The following SEMA4A variants were observed in gnomAD, a reference collection of about 807,000 sequenced individuals.
SEMA4A encodes semaphorin 4A, also known as semaphorin-4A.
In SEMA4A, 52 loss-of-function variants were observed where a neutral mutation model predicts 72.5. The ratio of observed to expected loss-of-function variants is 0.72; its 90% confidence interval spans 0.57 to 0.90. SEMA4A has a LOEUF of 0.90. Ranked by LOEUF, SEMA4A falls within the 40% of genes least tolerant of loss-of-function variation. The pLI is 0.00. For missense variants in SEMA4A, 926 were observed against 959.7 expected (o/e 0.96, Z 0.46); for synonymous variants, 369 against 393.1 (o/e 0.94, Z 0.73).
upstream of SEMA4A, among the ~76,000 whole-genome samples, chr1:156,150,711 G>A (rs148367013): frequency 3.9e-3 from 594 of 152,212 alleles, 7 homozygotes; most frequent in African/African-American, 0.013. Context: ...GAGTCGGGGC[G>A]GGAAGCAACC....
Position 156,154,605 on chromosome 1 carries a change from C to A in SEMA4A, c.27C>A (p.Asp9Glu), listed in dbSNP as rs557211786. ...TGGCCCTCCCAGCCCTGGGCCTGGACCCCTGGAGCCTCCTGGGCCTTTTCC... is the reference window on the plus strand; with the variant it reads ...TGGCCCTCCCAGCCCTGGGCCTGGAACCCTGGAGCCTCCTGGGCCTTTTCC... MALPALGL[D>E]PWSLLGLFLF... Residue 9 changes from aspartate to glutamate, a missense_variant, in exon 2 of 15, where the codon GAC (aspartate) becomes GAA (glutamate). Asp to Glu is a conservative substitution (Grantham distance 45, BLOSUM62 2). Coordinates refer to ENST00000368285, the MANE Select transcript of SEMA4A (RefSeq NM_022367.4). 2 of 1,610,884 alleles carry A rather than the reference C, an allele frequency of 1.2e-6. No homozygotes were observed. The highest frequency in any genetic ancestry group is 1.7e-6 in the Non-Finnish European group (2 of 1,179,292).
At chr1:156,160,268 G>C (rs1401680458) in intron 6 of SEMA4A, among the ~76,000 whole-genome samples, 175 bp from the exon 7 acceptor site, 1 of 152,080 alleles carries the variant, frequency 6.6e-6, no homozygotes, top group Non-Finnish European at 1.5e-5. Context: ...AGGAAGCTAA[G>C]AGGGGTGCTT....
At chr1:156,151,838 CAAAAAA>C (rs546304826), upstream of SEMA4A, among the ~76,000 whole-genome samples, 592 of 17,482 alleles carry the variant, frequency 0.034, 5 homozygotes, top group African/African-American at 0.069. Context: ...CACTTCGTCT[CAAAAAA>C]AAAAAAAAAA....
rs1653811555 is a variant in SEMA4A, at chr1:156,163,023, A to G, written c.1063A>G (p.Lys355Glu). 6.2e-7 allele frequency: 1 copy of G among 1,614,168 alleles called. No individual in the cohort carries two copies. The highest frequency in any genetic ancestry group is 1.7e-5 in the Admixed American group (1 of 60,022). Reference sequence around the variant, plus strand: ...TGAACGTGTCTTTAAGGGGAAATACAAAGAGTTGAACAAAGAAACTTCACG... The same window carrying G: ...TGAACGTGTCTTTAAGGGGAAATACGAAGAGTTGAACAAAGAAACTTCACG... ...DIERVFKGKY[K>E]ELNKETSRWT... is the part of the protein sequence containing the mutation. Residue 355 changes from lysine to glutamate, a missense_variant, in exon 10 of 15, where the codon AAA becomes GAA. Transcript: ENST00000368285.
intron 2 of SEMA4A, 116 bp from the exon 3 acceptor site, chr1:156,156,298 G>GC: frequency 1.1e-6 from 1 of 933,020 alleles, no homozygotes; most frequent in Admixed American, 1.9e-5. Flanking sequence ...GCATCTAGCT[G>GC]CCAAGGCCTG....
At chr1:156,164,903 C>T (rs558224214) in intron 10 of SEMA4A, among the ~76,000 whole-genome samples, 47 of 152,078 alleles carry the variant, frequency 3.1e-4, no homozygotes, top group African/African-American at 8.0e-4. Flanking sequence ...TGGGTTCAAG[C>T]GATTCTCCTG....
Position 156,177,167 on chromosome 1 carries a change from A to G in SEMA4A, c.*170A>G, listed in dbSNP as rs1227576803. The G allele has an allele frequency of 7.1e-6, 5 of 706,506 alleles. No homozygotes were observed. The highest frequency in any genetic ancestry group is 1.3e-5 in the Non-Finnish European group (5 of 398,050). 43.8% of individuals were successfully genotyped at this position (706,506 alleles called of 1,614,324 possible). ...GACACTCAGCAGGGTGATGCACAGC[A>G]GTCTGCCTCCCCTATGGGACTCCCT... On this transcript the variant is annotated 3_prime_UTR_variant, in exon 15 of 15. Transcript: ENST00000368285.
intron 10 of SEMA4A, among the ~76,000 whole-genome samples, chr1:156,171,813 T>A (rs565107056): frequency 1.4e-4 from 22 of 152,122 alleles, no homozygotes; most frequent in African/African-American, 4.8e-4. Flanking sequence ...AGACCGAGTC[T>A]CACTCTGTCG....
At chr1:156,172,342 C>T (rs937888947) in intron 10 of SEMA4A, among the ~76,000 whole-genome samples, 2 of 151,924 alleles carry the variant, frequency 1.3e-5, no homozygotes, top group African/African-American at 2.4e-5. Flanking sequence ...TCTCGAACTC[C>T]TGACCTCAGG....
At chr1:156,160,651 C>A in intron 7 of SEMA4A, 92 bp downstream of exon 7, 1 of 1,201,492 alleles carries the variant, frequency 8.3e-7, no homozygotes, top group South Asian at 1.2e-5. Context: ...ACAATGTGTC[C>A]ATTACTGTTA....
intron 10 of SEMA4A, among the ~76,000 whole-genome samples, chr1:156,171,518 A>C (rs1002299060): frequency 6.6e-6 from 1 of 152,204 alleles, no homozygotes; most frequent in African/African-American, 2.4e-5. Context: ...TTGAGCACCA[A>C]CTGTGTGCCA....
chr1:156,166,084 T>A (rs1478117316), intron 10 of SEMA4A, among the ~76,000 whole-genome samples: 1 of 152,046 alleles, frequency 6.6e-6, no homozygotes, highest in Non-Finnish European at 1.5e-5. Context: ...TTTTTGTATT[T>A]TTAGTAGAGA....
At position 156,154,661 on chromosome 1, in the gene SEMA4A, C is replaced by T. The variant is rs369653609; in HGVS notation, c.83C>T (p.Thr28Met). The change falls in exon 2 of 15, where the codon ACG becomes ATG. Residue 28 changes from threonine (T) to methionine (M), a missense_variant. Coordinates refer to ENST00000368285, the MANE Select transcript of SEMA4A (RefSeq NM_022367.4). The part of the protein sequence containing the change: ...LFQLLQLLLP[T>M]TTAGGGGQGP... ...CAACTGCTTCAGCTGCTGCTGCCGA[C>T]GACGACCGCGGGGGGAGGCGGGCAG... 9.4e-6 allele frequency: 15 copies of T among 1,604,244 alleles called. No homozygotes were observed. Among genetic ancestry groups the T allele is most frequent in the African/African-American group, 1.3e-5 (1 of 74,892 alleles).
upstream of SEMA4A, among the ~76,000 whole-genome samples, chr1:156,150,705 CG>C (rs1281695190): frequency 6.6e-6 from 1 of 152,076 alleles, no homozygotes; most frequent in African/African-American, 2.4e-5. Flanking sequence ...AGCATAGAGT[CG>C]GGGCGGGAAG....
At chr1:156,168,789 C>A (rs1042345441) in intron 10 of SEMA4A, among the ~76,000 whole-genome samples, 1 of 152,126 alleles carries the variant, frequency 6.6e-6, no homozygotes, top group Non-Finnish European at 1.5e-5. Flanking sequence ...TTTACTGTAT[C>A]TTAGGTCATT....
At chr1:156,151,262 C>T (rs904547920), upstream of SEMA4A, among the ~76,000 whole-genome samples, 26 of 152,248 alleles carry the variant, frequency 1.7e-4, no homozygotes, top group Admixed American at 7.8e-4. Context: ...CCCTTCTGAG[C>T]ACAGGGCCCT....
intron 10 of SEMA4A, among the ~76,000 whole-genome samples, chr1:156,172,082 C>CTGTT (rs35314152): frequency 1.5e-5 from 2 of 137,404 alleles, no homozygotes; most frequent in East Asian, 2.2e-4. Context: ...CTGTGCCCGG[C>CTGTT]TGTTTGTTTG....
Position 156,156,480 on chromosome 1 carries a change from T to C in SEMA4A, c.206T>C (p.Leu69Pro), listed in dbSNP as rs369451813. The change falls in exon 3 of 15, where the codon CTG (leucine) becomes CCG (proline). Residue 69 changes from leucine to proline, a missense_variant. Physicochemically the swap from Leu to Pro is moderately conservative, Grantham distance 98 (BLOSUM62 -3). Transcript: ENST00000368285. ...KGLQDFDTLL[L>P]SGDGNTLYVG... ...CTCCAGGATTTTGACACTCTGCTCCTGAGTGGTGATGGAAATACTCTCTAC... is the reference window on the plus strand; with the variant it reads ...CTCCAGGATTTTGACACTCTGCTCCCGAGTGGTGATGGAAATACTCTCTAC... 12 of 1,614,106 alleles carry C rather than the reference T, an allele frequency of 7.4e-6. No individual in the cohort carries two copies. Among genetic ancestry groups the C allele is most frequent in the Non-Finnish European group, 1.0e-5 (12 of 1,179,966 alleles).
At chr1:156,154,873 G>C (rs1652871168) in intron 2 of SEMA4A, 156 bp downstream of exon 2, 1 of 968,652 alleles carries the variant, frequency 1.0e-6, no homozygotes, top group Non-Finnish European at 1.5e-6. Context: ...CGGAGAAAGA[G>C]AGACACAGCC....
Sources: allele counts gnomAD v4.1 joint callset (sites outside exome capture counted in the v4.1 genomes callset), GRCh38; gene constraint gnomAD v4.1.1; transcripts MANE v1.5; gene names NCBI Gene and HGNC (gene_info 2026-07-23, HGNC 2026-07-21).